The following TRIM37 variants were observed in gnomAD, a reference collection of about 807,000 sequenced individuals.
TRIM37 encodes tripartite motif containing 37.
A neutral mutation model predicts 129.8 loss-of-function variants in TRIM37; 80 were observed. That is an observed-to-expected ratio of 0.62 (90% CI 0.51 to 0.74). TRIM37 has a LOEUF of 0.74. Ranked by LOEUF, TRIM37 falls within the 30% of genes least tolerant of loss-of-function variation. The pLI is 0.00. For synonymous variants in TRIM37, 389 were observed against 387.1 expected (o/e 1.00, Z -0.06); for missense variants, 1,054 against 1,176.5 (o/e 0.90, Z 1.52).
intron 21 of TRIM37, 37 bp downstream of exon 21, chr17:59,015,573 T>C (rs1025464064): frequency 1.3e-6 from 2 of 1,596,514 alleles, no homozygotes; most frequent in Non-Finnish European, 1.7e-6. Context: ...AGCTATTAGC[T>C]ATTATACCAT....
At chr17:59,028,847 A>G (rs1319856924) in intron 18 of TRIM37, 124 bp from the exon 19 acceptor site, 4 of 902,178 alleles carry the variant, frequency 4.4e-6, no homozygotes, top group Non-Finnish European at 5.2e-6. Context: ...TATCAACAAT[A>G]AAACATGCAC....
At chr17:58,982,695 G>A in exon 25 of TRIM37, 2 of 497,290 alleles carry the variant, frequency 4.0e-6, no homozygotes, top group Non-Finnish European at 7.1e-6. Flanking sequence ...TTGGATGTAA[G>A]TAGAGACTTT....
At chr17:59,105,598 T>G (rs2045923539) in intron 1 of TRIM37, among the ~76,000 whole-genome samples, 1 of 152,186 alleles carries the variant, frequency 6.6e-6, no homozygotes, top group Admixed American at 6.5e-5. Flanking sequence ...CCAAGATAAG[T>G]TTACAAAACC....
chr17:58,982,088 A>G (rs1418473658), downstream of TRIM37: 1 of 152,620 alleles, frequency 6.6e-6, no homozygotes, highest in Non-Finnish European at 1.5e-5. Flanking sequence ...GGCTGAAAGT[A>G]TTGTCTAAAG....
chr17:59,025,699 T>C (rs2037174207), intron 19 of TRIM37, among the ~76,000 whole-genome samples: 1 of 152,152 alleles, frequency 6.6e-6, no homozygotes, highest in Non-Finnish European at 1.5e-5. Flanking sequence ...CTTTCTCTGG[T>C]TGAAAAAAAT....
chr17:59,017,813 C>T (rs1216057591), intron 19 of TRIM37, among the ~76,000 whole-genome samples: 1 of 151,906 alleles, frequency 6.6e-6, no homozygotes, highest in Non-Finnish European at 1.5e-5. Context: ...TTAGTAGAGA[C>T]GGGGTTTTGT....
At chr17:59,076,981 T>C (rs931687499) in intron 7 of TRIM37, among the ~76,000 whole-genome samples, 59 of 152,182 alleles carry the variant, frequency 3.9e-4, no homozygotes, top group African/African-American at 1.3e-3. Flanking sequence ...AGAGATGGGG[T>C]TTCTCCATGT....
intron 2 of TRIM37, 85 bp from the exon 3 acceptor site, chr17:59,091,425 T>C (rs911472379): frequency 1.0e-5 from 3 of 295,494 alleles, no homozygotes; most frequent in Non-Finnish European, 1.7e-5. Flanking sequence ...TTATATATAA[T>C]ATATATAATA....
chr17:58,999,053 T>C lies in TRIM37; in HGVS notation c.*324A>G. 1 of 1,166,998 alleles carries C rather than the reference T, an allele frequency of 8.6e-7. No homozygotes were observed. Among genetic ancestry groups the C allele is most frequent in the Non-Finnish European group, 1.1e-6 (1 of 938,778 alleles). 72.3% of individuals were successfully genotyped at this position (1,166,998 alleles called of 1,614,324 possible). ...ACTGACGGCATGCAGGGCCTGGAGG[T>C]ACATTTTCTGGCAGTTAACCAGCCT... On this transcript the variant is annotated 3_prime_UTR_variant, in exon 24 of 24. Transcript: ENST00000262294.
At chr17:58,992,646 C>T (rs952512093) in intron 24 of TRIM37, among the ~76,000 whole-genome samples, 1 of 152,134 alleles carries the variant, frequency 6.6e-6, no homozygotes, top group African/African-American at 2.4e-5. Flanking sequence ...TCCCAAAGTG[C>T]TGGGATTACA....
the TRIM37 span, among the ~76,000 whole-genome samples, chr17:58,967,928 C>T: frequency 2.6e-5 from 4 of 152,032 alleles, no homozygotes; most frequent in South Asian, 2.1e-4. Context: ...CTCAGCCTCC[C>T]GAGTAGCTGG....
rs2033210115 is a variant in TRIM37 at position 58,998,313 on chromosome 17, C to T, written c.*1064G>A. On this transcript the variant is annotated 3_prime_UTR_variant, in exon 24 of 24. Transcript: ENST00000262294. ...GACACGGAAGAGTGAACAATATTCACTAAGTAAAATACAGCAGATGAGATG... is the reference window on the plus strand; with the variant it reads ...GACACGGAAGAGTGAACAATATTCATTAAGTAAAATACAGCAGATGAGATG... 2 of 985,266 alleles carry T rather than the reference C, an allele frequency of 2.0e-6. No individual in the cohort carries two copies. Among genetic ancestry groups the T allele is most frequent in the South Asian group, 4.7e-5 (1 of 21,294 alleles). The allele number at this position is 985,266 out of a possible 1,614,324, so 61.0% of individuals were successfully genotyped here.
chr17:59,061,247 T>C (rs958473555), intron 11 of TRIM37, 139 bp from the exon 12 acceptor site: 1 of 706,228 alleles, frequency 1.4e-6, no homozygotes, highest in Non-Finnish European at 2.5e-6. Flanking sequence ...CACCAATAGA[T>C]TTGAGTTCTT....
chr17:58,971,996 A>T, the TRIM37 span: 25 of 807,934 alleles, frequency 3.1e-5, no homozygotes, highest in Non-Finnish European at 1.9e-6. Context: ...GAGACAATGA[A>T]TTATTATATA....
At chr17:59,071,235 A>G (rs1023296282) in intron 8 of TRIM37, among the ~76,000 whole-genome samples, 2 of 151,750 alleles carry the variant, frequency 1.3e-5, no homozygotes, top group Non-Finnish European at 2.9e-5. Context: ...AGGCTGGTAC[A>G]GTGAAGTTCT....
intron 22 of TRIM37, among the ~76,000 whole-genome samples, chr17:59,002,303 T>G (rs1019054095): frequency 2.0e-5 from 3 of 152,114 alleles, no homozygotes; most frequent in African/African-American, 7.2e-5. Flanking sequence ...GGCCTGATCA[T>G]AGCTCACTGC....
the TRIM37 span, among the ~76,000 whole-genome samples, chr17:58,973,204 T>G: frequency 6.7e-6 from 1 of 150,360 alleles, no homozygotes; most frequent in Non-Finnish European, 1.5e-5. Context: ...TATCACGAGG[T>G]CAGGAGTTCA....
chr17:59,024,497 G>A (rs1334435881), intron 19 of TRIM37, among the ~76,000 whole-genome samples: 1 of 152,152 alleles, frequency 6.6e-6, no homozygotes, highest in Non-Finnish European at 1.5e-5. Flanking sequence ...AGACATGAAT[G>A]TTTGATGCTG....
At chr17:59,087,962 C>T (rs1164182959) in intron 4 of TRIM37, 1 of 482,920 alleles carries the variant, frequency 2.1e-6, no homozygotes, top group Non-Finnish European at 3.7e-6. Context: ...TGACTTAACA[C>T]TGTATTATCA....
Sources: gnomAD v4.1 joint callset for allele counts (sites outside exome capture counted in the v4.1 genomes callset) on GRCh38, gnomAD v4.1.1 for gene constraint, MANE v1.5 for transcripts, NCBI Gene and HGNC (gene_info 2026-07-23, HGNC 2026-07-21) for gene names.